The following EXOC4 variants were observed in gnomAD, a reference collection of about 807,000 sequenced individuals.
The protein encoded by EXOC4 is SEC8-like 1.
EXOC4 carries 71 observed loss-of-function variants against 107.2 expected under a neutral mutation model. The ratio of observed to expected loss-of-function variants is 0.66; its 90% CI spans 0.55 to 0.81. The LOEUF (loss-of-function observed/expected upper bound fraction) is 0.81, where lower values mean the gene tolerates loss of function less well. Ranked by LOEUF, EXOC4 falls within the 30% of genes least tolerant of loss-of-function variation. EXOC4 has a pLI of 0.00. For synonymous variants in EXOC4, 456 were observed against 441.2 expected, an observed-to-expected ratio of 1.03 and a Z score of -0.42; for missense variants, 1,108 against 1,189.6, an observed-to-expected ratio of 0.93 and a Z score of 1.01.
At chr7:133,732,034 A>C (rs1236986420) in intron 10 of EXOC4, among the ~76,000 whole-genome samples, 1 of 152,188 alleles carries the variant, frequency 6.6e-6, no homozygotes, top group Non-Finnish European at 1.5e-5. Flanking sequence ...AAGACATGGA[A>C]TCAACCCTAA....
chr7:134,020,983 C>CAAAAAA (rs34211829), intron 17 of EXOC4, among the ~76,000 whole-genome samples: 17 of 135,660 alleles, frequency 1.3e-4, no homozygotes, highest in African/African-American at 4.4e-4. Flanking sequence ...AAGACTGTCT[C>CAAAAAA]AAAAAAAAAA....
chr7:133,639,549 G>C (rs17133259), intron 10 of EXOC4, among the ~76,000 whole-genome samples: 6,404 of 152,056 alleles, frequency 0.042, 350 homozygotes, highest in African/African-American at 0.13. Flanking sequence ...TTTATTAACC[G>C]AGAAAGGAAA....
intron 5 of EXOC4, among the ~76,000 whole-genome samples, 193 bp from the exon 6 acceptor site, chr7:133,356,137 G>A (rs751662471): frequency 1.3e-4 from 20 of 152,132 alleles, no homozygotes; most frequent in Admixed American, 2.6e-4. Flanking sequence ...ACTAACTGAT[G>A]GGTATGATTT....
chr7:133,270,827 G>A (rs1793851360), intron 1 of EXOC4, among the ~76,000 whole-genome samples: 1 of 152,058 alleles, frequency 6.6e-6, no homozygotes, highest in Non-Finnish European at 1.5e-5. Flanking sequence ...TCAGGTTAAG[G>A]GACTAGTGAT....
At chr7:134,030,306 T>C (rs1795239387) in intron 17 of EXOC4, among the ~76,000 whole-genome samples, 1 of 152,216 alleles carries the variant, frequency 6.6e-6, no homozygotes, top group African/African-American at 2.4e-5. Flanking sequence ...GTATTCATAA[T>C]AGCCAAAAGG....
chr7:133,597,286 T>C (rs1801696005), intron 9 of EXOC4, among the ~76,000 whole-genome samples: 1 of 152,038 alleles, frequency 6.6e-6, no homozygotes, highest in South Asian at 2.1e-4. Flanking sequence ...GGGCGTGGTG[T>C]CTCACGCCTG....
At chr7:133,888,787 C>G (rs10231158) in intron 11 of EXOC4, among the ~76,000 whole-genome samples, 93,724 of 152,016 alleles carry the variant, frequency 0.62, 31,389 homozygotes, top group African/African-American at 0.89. Context: ...GAATGGTATA[C>G]TTAGAGGAGC....
downstream of EXOC4, among the ~76,000 whole-genome samples, chr7:134,069,363 TC>T (rs1315176678): frequency 7.1e-6 from 1 of 140,548 alleles, no homozygotes; most frequent in Non-Finnish European, 1.5e-5. Context: ...TCCTTCTTCC[TC>T]CTCCCTCTTC....
Position 134,051,626 on chromosome 7 carries a change from C to T in EXOC4, c.2688-12665C>T, listed in dbSNP as rs1482385911. Among the ~76,000 whole-genome samples, 14 of 147,590 alleles carry T rather than the reference C, an allele frequency of 9.5e-5. 1 individual carries two copies. The South Asian group carries it at 2.1e-3, about 23-fold the overall frequency. ...GGCAGAGGTTGCAGTGAGCCGAGAT[C>T]GCGCCGCTGCACTCCAGCCTGGGAG... is the stretch of plus-strand genomic sequence containing the variant. On this transcript the variant is annotated intron_variant, in intron 17 of 17. Coordinates refer to ENST00000253861, the MANE Select transcript of EXOC4 (RefSeq NM_021807.4).
At chr7:133,574,197 ATGTT>A (rs564976428) in intron 9 of EXOC4, among the ~76,000 whole-genome samples, 17 of 152,216 alleles carry the variant, frequency 1.1e-4, no homozygotes, top group African/African-American at 2.6e-4. Flanking sequence ...GTGTGTGTGT[ATGTT>A]TGTGCACACG....
intron 7 of EXOC4, among the ~76,000 whole-genome samples, chr7:133,426,395 C>G (rs977744225): frequency 6.6e-6 from 1 of 152,110 alleles, no homozygotes; most frequent in African/African-American, 2.4e-5. Flanking sequence ...GTTTGGAAAC[C>G]AAGCTGATGA....
chr7:133,938,329 G>T (rs560346927), intron 14 of EXOC4, among the ~76,000 whole-genome samples: 8 of 152,296 alleles, frequency 5.3e-5, no homozygotes, highest in African/African-American at 1.9e-4. Context: ...CATGGCCTTA[G>T]AAACATAAAT....
chr7:133,340,177 A>G (rs1039860178), intron 5 of EXOC4, among the ~76,000 whole-genome samples: 1 of 152,114 alleles, frequency 6.6e-6, no homozygotes, highest in Non-Finnish European at 1.5e-5. Flanking sequence ...ACATTAAGGC[A>G]TTTCCTTTGT....
chr7:133,513,326 C>G (rs1799811007), intron 9 of EXOC4, among the ~76,000 whole-genome samples: 1 of 152,116 alleles, frequency 6.6e-6, no homozygotes, highest in African/African-American at 2.4e-5. Context: ...CCTTGGCCTC[C>G]CAAAGTGCTG....
intron 5 of EXOC4, among the ~76,000 whole-genome samples, chr7:133,319,249 C>T (rs113449158): frequency 2.1e-4 from 32 of 152,158 alleles, no homozygotes; most frequent in Non-Finnish European, 3.5e-4. Flanking sequence ...ATGCCAGTTA[C>T]GGCAAATTTC....
At chr7:133,821,850 A>G (rs748464803) in intron 11 of EXOC4, among the ~76,000 whole-genome samples, 6 of 152,220 alleles carry the variant, frequency 3.9e-5, no homozygotes, top group Middle Eastern at 3.2e-3. Context: ...GAAACACTCA[A>G]TATTTAATAA....
At chr7:133,975,571 A>C (rs1049884720) in intron 14 of EXOC4, among the ~76,000 whole-genome samples, 1 of 152,174 alleles carries the variant, frequency 6.6e-6, no homozygotes, top group African/African-American at 2.4e-5. Flanking sequence ...ATTTTTAGAC[A>C]TTTGGAGAAA....
At chr7:133,650,530 T>A (rs146217152) in intron 10 of EXOC4, among the ~76,000 whole-genome samples, 80 of 152,280 alleles carry the variant, frequency 5.3e-4, no homozygotes, top group African/African-American at 1.9e-3. Flanking sequence ...ATGGTGTGTG[T>A]TTATGTCTGT....
intron 13 of EXOC4, among the ~76,000 whole-genome samples, chr7:133,921,492 A>T (rs958926658): frequency 2.6e-5 from 4 of 152,162 alleles, no homozygotes; most frequent in African/African-American, 9.7e-5. Context: ...TTCTCTTTTA[A>T]CAACTAAATA....
Sources: allele counts gnomAD v4.1 joint callset (sites outside exome capture counted in the v4.1 genomes callset), GRCh38; gene constraint gnomAD v4.1.1; transcripts MANE v1.5; gene names NCBI Gene and HGNC (gene_info 2026-07-23, HGNC 2026-07-21).